The following SLIT3 variants were observed in gnomAD, a reference collection of about 807,000 sequenced individuals.
SLIT3 encodes slit guidance ligand 3, also known as slit homolog 3 protein.
SLIT3 carries 68 observed loss-of-function variants against 184.0 expected under a neutral mutation model. That is an observed-to-expected ratio of 0.37 (90% CI 0.30 to 0.45). The LOEUF is 0.45. SLIT3 is among the 20% of genes least tolerant of loss of function. The pLI is 1.00. For synonymous variants in SLIT3, 831 were observed against 828.6 expected, an observed-to-expected ratio of 1.00 and a Z score of -0.05; for missense variants, 1,707 against 2,026.0, an observed-to-expected ratio of 0.84 and a Z score of 3.02.
At chr5:169,270,126 C>A (rs1345991165) in intron 1 of SLIT3, among the ~76,000 whole-genome samples, 1 of 152,224 alleles carries the variant, frequency 6.6e-6, no homozygotes, top group Non-Finnish European at 1.5e-5. Flanking sequence ...GGATTCTCAT[C>A]CCTTGCTCAG....
intron 4 of SLIT3, among the ~76,000 whole-genome samples, chr5:169,171,386 G>C (rs1319284316): frequency 6.6e-6 from 1 of 152,236 alleles, no homozygotes; most frequent in Non-Finnish European, 1.5e-5. Flanking sequence ...TTGAGCAAAA[G>C]TGTAGAGCAG....
chr5:168,755,898 TG>T (rs1754930284), intron 16 of SLIT3, among the ~76,000 whole-genome samples: 1 of 152,188 alleles, frequency 6.6e-6, no homozygotes, highest in Non-Finnish European at 1.5e-5. Flanking sequence ...GCAGGGTTGC[TG>T]GGGGGCTTGT....
chr5:169,182,201 G>C (rs1763184160), intron 4 of SLIT3, among the ~76,000 whole-genome samples: 1 of 152,134 alleles, frequency 6.6e-6, no homozygotes, highest in Non-Finnish European at 1.5e-5. Context: ...TGGGAAAAAA[G>C]AAACATCATG....
chr5:168,805,633 A>C (rs1003823710), intron 9 of SLIT3, among the ~76,000 whole-genome samples: 2 of 152,212 alleles, frequency 1.3e-5, no homozygotes, highest in African/African-American at 4.8e-5. Flanking sequence ...TATGTGGACA[A>C]ACACATTTTA....
rs186638784 is a variant in SLIT3, at chr5:169,098,606, A to G, written c.413+94873T>C. ...CCGTACAGTTTAGTAGACATGAAAT[A>G]GCTCAGCAAACACACACAAGAGCAA... On this transcript the variant is annotated intron_variant, in intron 4 of 35. Coordinates refer to ENST00000519560, the MANE Select transcript of SLIT3 (RefSeq NM_003062.4). Among the ~76,000 whole-genome samples the G allele has an allele frequency of 1.4e-3, 206 of 152,360 alleles. 3 individuals carry two copies. The highest frequency in any genetic ancestry group is 4.7e-3 in the African/African-American group (196 of 41,588).
At chr5:169,201,674 T>C (rs297853) in intron 3 of SLIT3, among the ~76,000 whole-genome samples, 98,984 of 152,114 alleles carry the variant, frequency 0.65, 32,588 homozygotes, top group East Asian at 0.79. Context: ...ACATAAAGGG[T>C]TTGTTCCATA....
chr5:169,045,509 C>T (rs1162655815), intron 4 of SLIT3, among the ~76,000 whole-genome samples: 2 of 151,692 alleles, frequency 1.3e-5, no homozygotes, highest in African/African-American at 4.8e-5. Flanking sequence ...GTGCACCATC[C>T]ACACTTTCCA....
In SLIT3 at chr5:168,761,744, A is replaced by T. The variant is rs189790732; in HGVS notation, c.1610+795T>A. On this transcript the variant is annotated intron_variant, in intron 15 of 35. Transcript: ENST00000519560. ...TTCAAAAATTTTTTAATTAAAAAAA[A>T]TTTTTTTTTCCAGATACCGGGTCTC... Among the ~76,000 whole-genome samples the T allele has an allele frequency of 3.9e-3, 586 of 150,976 alleles. 4 individuals are homozygous for T. Among genetic ancestry groups the T allele is most frequent in the African/African-American group, 0.012 (507 of 41,098 alleles).
intron 4 of SLIT3, among the ~76,000 whole-genome samples, chr5:169,035,839 A>G (rs1037062092): frequency 6.6e-6 from 1 of 152,042 alleles, no homozygotes; most frequent in Non-Finnish European, 1.5e-5. Flanking sequence ...CTAAATTTCT[A>G]TCCTTTCTTG....
intron 3 of SLIT3, among the ~76,000 whole-genome samples, chr5:169,222,580 G>C (rs1408710292): frequency 1.3e-5 from 2 of 152,130 alleles, no homozygotes; most frequent in Admixed American, 6.5e-5. Context: ...TCTAGGCCTT[G>C]AGACTTGGAA....
intron 6 of SLIT3, among the ~76,000 whole-genome samples, chr5:168,833,516 G>C (rs1757945931): frequency 6.6e-6 from 1 of 152,160 alleles, no homozygotes; most frequent in African/African-American, 2.4e-5. Context: ...ACAATCTATT[G>C]GGCACTAGAG....
chr5:168,850,823 G>A (rs980327681), intron 5 of SLIT3, among the ~76,000 whole-genome samples: 11 of 152,324 alleles, frequency 7.2e-5, no homozygotes, highest in Non-Finnish European at 1.3e-4. Context: ...GCTCCTGAAA[G>A]CAAGCTCTGC....
chr5:168,893,297 G>T (rs945532832), intron 4 of SLIT3, among the ~76,000 whole-genome samples: 1 of 152,174 alleles, frequency 6.6e-6, no homozygotes, highest in African/African-American at 2.4e-5. Flanking sequence ...CTGCCCAGTG[G>T]GGTTTGGGAA....
chr5:169,023,346 G>C (rs1465263610), intron 4 of SLIT3, among the ~76,000 whole-genome samples: 2 of 152,068 alleles, frequency 1.3e-5, no homozygotes, highest in Admixed American at 1.3e-4. Context: ...TTTTGTCTGT[G>C]TGTAGAAATT....
At chr5:168,762,773 G>A in intron 14 of SLIT3, 84 bp from the exon 15 acceptor site, 2 of 1,403,630 alleles carry the variant, frequency 1.4e-6, no homozygotes, top group Non-Finnish European at 9.9e-7. Flanking sequence ...GTGGGAGACA[G>A]AGATGGGGGA....
At chr5:168,713,767 T>C (rs541134278) in intron 23 of SLIT3, among the ~76,000 whole-genome samples, 1 of 152,334 alleles carries the variant, frequency 6.6e-6, no homozygotes, top group South Asian at 2.1e-4. Flanking sequence ...TGAGTGAGCT[T>C]TGGAAGCTAG....
intron 4 of SLIT3, among the ~76,000 whole-genome samples, chr5:169,162,708 A>T (rs1042114052): frequency 6.6e-6 from 1 of 152,186 alleles, no homozygotes; most frequent in Non-Finnish European, 1.5e-5. Flanking sequence ...ACTTTAATGA[A>T]GTCACTTAAT....
chr5:169,113,614 T>C (rs1760526348), intron 4 of SLIT3, among the ~76,000 whole-genome samples: 1 of 152,030 alleles, frequency 6.6e-6, no homozygotes, highest in Non-Finnish European at 1.5e-5. Flanking sequence ...CCCTCACTGA[T>C]ATATAATGTA....
intron 4 of SLIT3, among the ~76,000 whole-genome samples, chr5:169,190,706 GC>G (rs1360647685): frequency 1.3e-5 from 2 of 152,162 alleles, no homozygotes; most frequent in African/African-American, 4.8e-5. Context: ...CTCTGGTGTA[GC>G]CACCCACATA....
Sources: gnomAD v4.1 joint callset for allele counts (sites outside exome capture counted in the v4.1 genomes callset) on GRCh38, gnomAD v4.1.1 for gene constraint, MANE v1.5 for transcripts, NCBI Gene and HGNC (gene_info 2026-07-23, HGNC 2026-07-21) for gene names.